NAV3: variants seen among roughly 807,000 people sequenced by gnomAD.
NAV3 encodes the protein neuron navigator 3.
Under a neutral mutation model 244.7 loss-of-function variants are expected in NAV3, and 87 were observed. That is an observed-to-expected ratio of 0.36 (90% CI 0.30 to 0.42). The LOEUF (loss-of-function observed/expected upper bound fraction) is 0.42. Ranked by LOEUF, NAV3 falls within the 20% of genes least tolerant of loss-of-function variation. The probability of loss-of-function intolerance (pLI) is 1.00; values close to 1 mark genes in which losing one functional copy is unlikely to be tolerated. For synonymous variants in NAV3, 1,126 were observed against 1,042.2 expected (o/e 1.08, Z -1.55); for missense variants, 2,663 against 2,893.3 (o/e 0.92, Z 1.83).
intron 2 of NAV3, among the ~76,000 whole-genome samples, chr12:77,672,698 G>T (rs1033280874): frequency 3.9e-5 from 6 of 152,020 alleles, no homozygotes; most frequent in East Asian, 3.9e-4. Flanking sequence ...TGGGAGTGGG[G>T]TGAGGGATAA....
At chr12:77,935,651 G>T (rs1437411155) in intron 1 of NAV3, among the ~76,000 whole-genome samples, 2 of 152,156 alleles carry the variant, frequency 1.3e-5, no homozygotes, top group South Asian at 2.1e-4. Context: ...ATTGGTTGAG[G>T]TATTAGTCTG....
chr12:78,197,366 C>T lies in NAV3; in HGVS notation c.6411C>T (p.Ile2137=), dbSNP rs771796139. The T allele has an allele frequency of 1.9e-5, 31 of 1,602,244 alleles. No homozygotes were observed. The East Asian group carries it at 5.8e-4, about 30-fold the overall frequency. The change falls in exon 35 of 40, where the codon ATC becomes ATT. Residue 2137 remains isoleucine (I), a synonymous_variant. Transcript: ENST00000397909. ...NLHHVGSLSD[I]FNGFLNCKYN... ...ATCATGTGGGCTCTCTGAGTGATAT[C>T]TTCAATGGTTTTCTCAATTGTAAAT...
At chr12:77,897,330 A>T (rs527425044) in intron 1 of NAV3, among the ~76,000 whole-genome samples, 22 of 152,326 alleles carry the variant, frequency 1.4e-4, no homozygotes, top group Admixed American at 1.1e-3. Context: ...CAGTTTCAGT[A>T]AATGATTAGT....
intron 1 of NAV3, among the ~76,000 whole-genome samples, chr12:77,850,169 G>A (rs1877293216): frequency 1.3e-5 from 2 of 152,176 alleles, no homozygotes; most frequent in Non-Finnish European, 1.5e-5. Flanking sequence ...TCAGTAAGGA[G>A]GTGGAACATG....
Position 77,585,840 on chromosome 12 carries a change from T to C in NAV3, c.72+13574T>C, listed in dbSNP as rs182801861. Among the ~76,000 whole-genome samples, 229 of 152,298 alleles carry C rather than the reference T, an allele frequency of 1.5e-3. 2 individuals are homozygous for C. The highest frequency in any genetic ancestry group is 0.014 in the Admixed American group (215 of 15,296). On this transcript the variant is annotated intron_variant, in intron 2 of 8. Coordinates refer to the NAV3 transcript ENST00000550042. Reference sequence around the variant, plus strand: ...ATGTCAATAGGCTTTTCTGTCTCTTTACCTCTGAAATATTTAAATGTCTAT... The same window carrying C: ...ATGTCAATAGGCTTTTCTGTCTCTTCACCTCTGAAATATTTAAATGTCTAT...
intron 1 of NAV3, among the ~76,000 whole-genome samples, chr12:77,905,709 G>T (rs183757840): frequency 2.0e-4 from 31 of 152,222 alleles, no homozygotes; most frequent in African/African-American, 7.2e-4. Context: ...TCCAGGAATA[G>T]TATGTTTAGC....
At chr12:77,952,754 A>G (rs533437781) in intron 3 of NAV3, among the ~76,000 whole-genome samples, 3 of 152,286 alleles carry the variant, frequency 2.0e-5, no homozygotes, top group Admixed American at 6.6e-5. Flanking sequence ...TTATTCTTCA[A>G]TATTACACTT....
intron 2 of NAV3, among the ~76,000 whole-genome samples, chr12:77,806,342 T>G (rs532096433): frequency 9.8e-5 from 15 of 152,342 alleles, no homozygotes; most frequent in Admixed American, 4.6e-4. Flanking sequence ...TTTAGCTATG[T>G]CCCAGAGATT....
At chr12:77,896,627 A>G (rs1884661214) in intron 1 of NAV3, among the ~76,000 whole-genome samples, 1 of 152,220 alleles carries the variant, frequency 6.6e-6, no homozygotes, top group African/African-American at 2.4e-5. Context: ...TAACAATTGC[A>G]TTATGAATAG....
chr12:78,143,590 A>T (rs1421298287), intron 20 of NAV3, among the ~76,000 whole-genome samples: 2 of 138,884 alleles, frequency 1.4e-5, no homozygotes, highest in Non-Finnish European at 3.0e-5. Flanking sequence ...GCGCCACTGC[A>T]CTCCAGCCTG....
intron 2 of NAV3, chr12:77,783,475 TGGA>T (rs1422378755): frequency 6.6e-6 from 1 of 152,144 alleles, no homozygotes; most frequent in East Asian, 1.9e-4. Flanking sequence ...AGAGGGCATG[TGGA>T]GAAGAGAAGA....
intron 3 of NAV3, among the ~76,000 whole-genome samples, chr12:77,954,529 A>G (rs763546357): frequency 2.0e-5 from 3 of 152,158 alleles, no homozygotes; most frequent in Admixed American, 2.0e-4. Context: ...AATAATACTG[A>G]CTTTACTAAA....
At chr12:77,682,700 T>TAGTA (rs1864121635) in intron 2 of NAV3, among the ~76,000 whole-genome samples, 2 of 152,140 alleles carry the variant, frequency 1.3e-5, no homozygotes, top group African/African-American at 4.8e-5. Context: ...GTCATTCTAA[T>TAGTA]AGTAGTGAAG....
chr12:77,938,473 T>C (rs535309517), intron 1 of NAV3, among the ~76,000 whole-genome samples: 10 of 152,280 alleles, frequency 6.6e-5, no homozygotes, highest in African/African-American at 2.4e-4. Context: ...ATTTTTCTTA[T>C]GCAATGGGAT....
At position 78,118,241 on chromosome 12, in the gene NAV3, C is replaced by A. The variant is rs2138574366; in HGVS notation, c.2984C>A (p.Ala995Asp). 1 of 1,613,074 alleles carries A rather than the reference C, an allele frequency of 6.2e-7. No individual in the cohort carries two copies. Among genetic ancestry groups the A allele is most frequent in the African/African-American group, 1.3e-5 (1 of 74,954 alleles). ...QTGSWRRGMS[A>D]QGGAPSRQKA... ...GGTTCCTGGAGAAGAGGCATGTCTG[C>A]CCAAGGAGGGGCGCCATCTAGGCAG... The change falls in exon 14 of 40, where the codon GCC (alanine) becomes GAC (aspartate). Residue 995 changes from alanine (A) to aspartate (D), a missense_variant. By Grantham distance (126) the Ala-to-Asp change is moderately radical. Transcript: ENST00000397909.
chr12:77,929,142 T>G (rs1888521802), intron 1 of NAV3, among the ~76,000 whole-genome samples: 1 of 152,230 alleles, frequency 6.6e-6, no homozygotes, highest in Non-Finnish European at 1.5e-5. Flanking sequence ...TGAAGACAGC[T>G]AATCTCTTCA....
chr12:78,168,545 AAAAC>A (rs770574052), intron 23 of NAV3, among the ~76,000 whole-genome samples: 19 of 151,780 alleles, frequency 1.3e-4, no homozygotes, highest in South Asian at 2.1e-4. Context: ...GACAATAAGA[AAAAC>A]AAACAAACAA....
intron 8 of NAV3, among the ~76,000 whole-genome samples, chr12:78,012,435 TA>T (rs1395274212): frequency 6.6e-6 from 1 of 151,950 alleles, no homozygotes; most frequent in African/African-American, 2.4e-5. Flanking sequence ...TCCATTACAT[TA>T]AAAAAATAAA....
chr12:77,889,296 T>G (rs1224148754), intron 1 of NAV3, among the ~76,000 whole-genome samples: 1 of 152,210 alleles, frequency 6.6e-6, no homozygotes, highest in African/African-American at 2.4e-5. Flanking sequence ...AGCTGAGACA[T>G]CAGTCTTCTG....
Sources: allele counts gnomAD v4.1 joint callset (sites outside exome capture counted in the v4.1 genomes callset), GRCh38; gene constraint gnomAD v4.1.1; transcripts MANE v1.5; gene names NCBI Gene and HGNC (gene_info 2026-07-23, HGNC 2026-07-21).